The following TSPAN15 variants were observed in gnomAD, a reference collection of about 807,000 sequenced individuals.
The protein encoded by TSPAN15 is tetraspanin 15, also known as tetraspanin-15.
A neutral mutation model predicts 34.5 loss-of-function variants in TSPAN15; 20 were observed. That is an observed-to-expected ratio of 0.58 (90% CI 0.41 to 0.84). The LOEUF is 0.84. TSPAN15 is among the 40% of genes least tolerant of loss of function. The pLI, the probability that TSPAN15 is intolerant of heterozygous loss-of-function variation, is 0.00. For synonymous variants in TSPAN15, 155 were observed against 153.9 expected (o/e 1.01, Z -0.05); for missense variants, 313 against 386.1 (o/e 0.81, Z 1.59).
chr10:69,523,478 C>T, the TSPAN15 span: 153 of 535,226 alleles, frequency 2.9e-4, 8 homozygotes, highest in African/African-American at 2.7e-3. Flanking sequence ...CAAGAGGGCA[C>T]CCCTAACAGG....
chr10:69,467,150 C>G, intron 1 of TSPAN15, among the ~76,000 whole-genome samples: 1 of 152,314 alleles, frequency 6.6e-6, no homozygotes, highest in South Asian at 2.1e-4. Context: ...AAGAGACCCT[C>G]CTTCTCCCTT....
At chr10:69,523,350 T>C in the TSPAN15 span, 1 of 551,358 alleles carries the variant, frequency 1.8e-6, no homozygotes, top group Non-Finnish European at 3.3e-6. Flanking sequence ...GCAGGCTCCC[T>C]CCCACAGGGG....
chr10:69,537,388 T>C, the TSPAN15 span, among the ~76,000 whole-genome samples: 3 of 152,172 alleles, frequency 2.0e-5, no homozygotes, highest in Non-Finnish European at 2.9e-5. Flanking sequence ...TTAAGTGAAA[T>C]ATCGTAAGTC....
In TSPAN15 at chr10:69,455,547, T is replaced by TTCTC. The variant is rs1165587609; in HGVS notation, c.96+3867_96+3870dup. ...CTCTTTCTTTCTCTTTCTTTCTTTC[T>TTCTC]TCTCTCTCTCTCTTTCTTTCTTTCT... On this transcript the variant is annotated intron_variant, in intron 1 of 7. Coordinates refer to ENST00000373290, the MANE Select transcript of TSPAN15 (RefSeq NM_012339.5). Among the ~76,000 whole-genome samples, 13 of 130,364 alleles carry TTCTC rather than the reference T, an allele frequency of 1.0e-4. 1 individual carries two copies. 85.5% of individuals were successfully genotyped at this position (130,364 alleles called of 152,430 possible).
intron 6 of TSPAN15, 99 bp downstream of exon 6, chr10:69,504,584 A>G: frequency 8.0e-7 from 1 of 1,245,748 alleles, no homozygotes; most frequent in Admixed American, 1.8e-5. Flanking sequence ...CTGGCCACTG[A>G]GATTTTCCCA....
At chr10:69,539,092 G>C in the TSPAN15 span, among the ~76,000 whole-genome samples, 1 of 152,216 alleles carries the variant, frequency 6.6e-6, no homozygotes, top group African/African-American at 2.4e-5. Flanking sequence ...TTTGGAGACA[G>C]AGAGCAGTTG....
At chr10:69,522,215 A>T in the TSPAN15 span, among the ~76,000 whole-genome samples, 1 of 145,680 alleles carries the variant, frequency 6.9e-6, no homozygotes, top group Non-Finnish European at 1.5e-5. Flanking sequence ...AAAAAAAATT[A>T]GCTGGGTGTG....
downstream of TSPAN15, among the ~76,000 whole-genome samples, chr10:69,508,460 A>G (rs1322947212): frequency 3.7e-5 from 5 of 134,862 alleles, no homozygotes; most frequent in Non-Finnish European, 5.0e-5. Flanking sequence ...AAAAAAAAAA[A>G]AAAAAAAAAA....
Position 69,498,323 on chromosome 10 carries a change from A to G in TSPAN15, c.497A>G (p.Asn166Ser). The G allele has an allele frequency of 6.2e-7, 1 of 1,613,924 alleles. No homozygotes were observed. The highest frequency in any genetic ancestry group is 2.2e-5 in the East Asian group (1 of 44,872). ...GGEDYRDWSK[N>S]QYHDCSAPGP... ...GAGGACTACCGAGATTGGAGCAAGA[A>G]TCAGTACCACGACTGCAGTGCCCCT... The change falls in exon 5 of 8, where the codon AAT becomes AGT. Residue 166 changes from asparagine to serine, a missense_variant. Physicochemically the swap from Asn to Ser is conservative, Grantham distance 46 (BLOSUM62 1). Transcript: ENST00000373290.
the TSPAN15 span, among the ~76,000 whole-genome samples, chr10:69,527,582 C>T: frequency 1.9e-4 from 25 of 129,404 alleles, no homozygotes; most frequent in African/African-American, 5.9e-4. Flanking sequence ...GTAACGAGAG[C>T]GAAATTCCAT....
At chr10:69,471,486 C>A (rs1422010530) in intron 1 of TSPAN15, among the ~76,000 whole-genome samples, 1 of 152,112 alleles carries the variant, frequency 6.6e-6, no homozygotes, top group Non-Finnish European at 1.5e-5. Flanking sequence ...GTTTTTGTGT[C>A]TTTTGGGGGA....
the TSPAN15 span, among the ~76,000 whole-genome samples, chr10:69,518,838 T>G: frequency 2.9e-3 from 447 of 152,320 alleles, 4 homozygotes; most frequent in Non-Finnish European, 4.7e-3. Flanking sequence ...TCTATGAGTT[T>G]CCTGGGTAAA....
At chr10:69,509,659 A>G (rs1420713058), downstream of TSPAN15, among the ~76,000 whole-genome samples, 1 of 152,138 alleles carries the variant, frequency 6.6e-6, no homozygotes, top group African/African-American at 2.4e-5. Flanking sequence ...GTCCTTGCCC[A>G]TGCCTATGTC....
chr10:69,512,719 T>A, the TSPAN15 span, among the ~76,000 whole-genome samples: 1 of 152,256 alleles, frequency 6.6e-6, no homozygotes. Context: ...CTTCTTTCAC[T>A]CAGTAATCAT....
chr10:69,547,878 A>G, the TSPAN15 span, among the ~76,000 whole-genome samples: 4 of 152,230 alleles, frequency 2.6e-5, no homozygotes, highest in Admixed American at 6.5e-5. Flanking sequence ...GCTTATGTCA[A>G]TCCAGCCTAG....
At chr10:69,510,745 G>C (rs1376081074), downstream of TSPAN15, among the ~76,000 whole-genome samples, 1 of 152,194 alleles carries the variant, frequency 6.6e-6, no homozygotes, top group Admixed American at 6.5e-5. Context: ...TTTGAGATAT[G>C]TTCCATCAAT....
the TSPAN15 span, among the ~76,000 whole-genome samples, chr10:69,545,752 C>T: frequency 2.1e-4 from 32 of 152,142 alleles, no homozygotes; most frequent in African/African-American, 7.2e-4. Context: ...GTCAGGAGTT[C>T]GAGACTAGCC....
chr10:69,493,208 C>T (rs1842004365), intron 3 of TSPAN15, among the ~76,000 whole-genome samples: 1 of 152,208 alleles, frequency 6.6e-6, no homozygotes. Context: ...GGGCCTGGGG[C>T]CAAGAGAGTC....
Position 69,498,368 on chromosome 10 carries a change from T to TGG in TSPAN15, c.543_544insGG (p.Pro182GlyfsTer43), listed in dbSNP as rs1842132309. ...GCCCCTGGACCCCTGGCCTGTGGGGTGCCCTACACCTGCTGCATCAGGAAC... is the reference window on the plus strand; with the variant it reads ...GCCCCTGGACCCCTGGCCTGTGGGGTGGGCCCTACACCTGCTGCATCAGGAAC... On this transcript the variant is annotated frameshift_variant, in exon 5 of 8. Transcript: ENST00000373290. LOFTEE classifies it high-confidence loss of function. The TGG allele has an allele frequency of 1.2e-6, 2 of 1,613,058 alleles. No homozygotes were observed. Among genetic ancestry groups the TGG allele is most frequent in the Non-Finnish European group, 1.7e-6 (2 of 1,179,760 alleles).
Sources: gnomAD v4.1 joint callset for allele counts (sites outside exome capture counted in the v4.1 genomes callset) on GRCh38, gnomAD v4.1.1 for gene constraint, MANE v1.5 for transcripts, NCBI Gene and HGNC (gene_info 2026-07-23, HGNC 2026-07-21) for gene names.